DROSHA: variants seen among roughly 807,000 people sequenced by gnomAD.
DROSHA encodes the protein ribonuclease 3.
DROSHA carries 56 observed loss-of-function variants against 181.9 expected under a neutral mutation model. The observed-to-expected ratio is 0.31, with a 90% CI of 0.25 to 0.38. The LOEUF is 0.38. Among genes scored for constraint, DROSHA ranks in the 10% least tolerant of loss-of-function variants. The pLI is 1.00. For missense variants in DROSHA, 1,218 were observed against 1,743.5 expected, an observed-to-expected ratio of 0.70 and a Z score of 5.37; for synonymous variants, 524 against 591.2, an observed-to-expected ratio of 0.89 and a Z score of 1.65.
intron 17 of DROSHA, among the ~76,000 whole-genome samples, chr5:31,469,465 A>G (rs1749493111): frequency 6.6e-6 from 1 of 152,256 alleles, no homozygotes; most frequent in South Asian, 2.1e-4. Context: ...TCAAAATTTG[A>G]AAATGGAAAA....
Position 31,421,450 on chromosome 5 carries a change from A to T in DROSHA, c.3420-73T>A, listed in dbSNP as rs1432383462. On this transcript the variant is annotated intron_variant, in intron 29 of 35. Coordinates refer to ENST00000344624, the MANE Select transcript of DROSHA (RefSeq NM_001382508.1). Reference sequence around the variant, plus strand: ...TTTCCAAAAAAACACCCAGAATTTTAAAAAAGGAATGACTTAAAAAGACAA... The same window carrying T: ...TTTCCAAAAAAACACCCAGAATTTTTAAAAAGGAATGACTTAAAAAGACAA... 3.3e-6 allele frequency: 4 copies of T among 1,230,090 alleles called. No homozygotes were observed. The East Asian group carries it at 7.0e-5, about 21-fold the overall frequency. The allele number at this position is 1,230,090 out of a possible 1,614,324, so 76.2% of individuals were successfully genotyped here. A position where few individuals can be genotyped will look rare whatever the true frequency, so the allele number is the denominator to read the frequency against.
In DROSHA at chr5:31,503,477, C is replaced by T. The variant is rs1423870832; in HGVS notation, c.1668+1078G>A. On this transcript the variant is annotated intron_variant, in intron 11 of 35. Coordinates refer to ENST00000344624, the MANE Select transcript of DROSHA (RefSeq NM_001382508.1). ...GTCCAAATGTGCACTGTGTAGTCAG[C>T]ACACAGCCTGTAGCTATTGGCTCCT... Among the ~76,000 whole-genome samples the T allele has an allele frequency of 6.6e-5, 10 of 152,076 alleles. No individual in the cohort carries two copies. The East Asian group carries it at 1.7e-3, about 26-fold the overall frequency.
At chr5:31,445,497 G>A (rs550268780) in intron 23 of DROSHA, among the ~76,000 whole-genome samples, 15 of 152,056 alleles carry the variant, frequency 9.9e-5, no homozygotes, top group East Asian at 1.9e-4. Context: ...AAAACATCAC[G>A]GGAAAAGAAA....
chr5:31,407,224 T>G (rs1222485581), intron 33 of DROSHA, among the ~76,000 whole-genome samples: 1 of 152,214 alleles, frequency 6.6e-6, no homozygotes, highest in Non-Finnish European at 1.5e-5. Context: ...AACAGTGAAG[T>G]GTAAAATATT....
At chr5:31,443,677 G>T (rs1037549579) in intron 23 of DROSHA, among the ~76,000 whole-genome samples, 9 of 152,124 alleles carry the variant, frequency 5.9e-5, no homozygotes, top group Non-Finnish European at 1.0e-4. Flanking sequence ...AGGCTATCAA[G>T]AATTATTTAT....
At chr5:31,518,877 C>T (rs1239127455) in intron 6 of DROSHA, among the ~76,000 whole-genome samples, 1 of 152,212 alleles carries the variant, frequency 6.6e-6, no homozygotes, top group African/African-American at 2.4e-5. Flanking sequence ...CCTCACCCAT[C>T]CTTTTAAGCA....
chr5:31,407,937 A>G (rs569999330), intron 33 of DROSHA, among the ~76,000 whole-genome samples: 7 of 152,306 alleles, frequency 4.6e-5, no homozygotes, highest in African/African-American at 1.7e-4. Context: ...CTTATTAGGC[A>G]CATAATAAAG....
intron 8 of DROSHA, among the ~76,000 whole-genome samples, chr5:31,512,230 T>C (rs2150055080): frequency 6.6e-6 from 1 of 152,288 alleles, no homozygotes; most frequent in East Asian, 1.9e-4. Flanking sequence ...TTGTTGGGAG[T>C]GGCGATGCCG....
Position 31,409,515 on chromosome 5 carries a change from ATG to A in DROSHA, c.3668-185_3668-184del, listed in dbSNP as rs1741043061. 3 of 589,152 alleles carry A rather than the reference ATG, an allele frequency of 5.1e-6. No homozygotes were observed. The highest frequency in any genetic ancestry group is 6.1e-5 in the Admixed American group (2 of 32,938). 36.5% of individuals were successfully genotyped at this position (589,152 alleles called of 1,614,324 possible). A position where few individuals can be genotyped will look rare whatever the true frequency, so the allele number is the denominator to read the frequency against. ...TCATTAATATCAGAAGCAGCAAGAG[ATG>A]TGTAAGATGCAAATCATAGAGTACA... On this transcript the variant is annotated intron_variant, in intron 31 of 35. Coordinates refer to ENST00000344624, the MANE Select transcript of DROSHA (RefSeq NM_001382508.1). This position sits in a 1 kb window ranked among gnomAD's most constrained non-coding sequence, Gnocchi z 4.0.
chr5:31,455,014 C>T lies in DROSHA; in HGVS notation c.2575-3374G>A, dbSNP rs13436094. On this transcript the variant is annotated intron_variant, in intron 20 of 35. Transcript: ENST00000344624. ...GAAATAAGAAAAGAAATTACTAAAACAATAGAAGGATTAACAAAAATTACA... is the reference window on the plus strand; with the variant it reads ...GAAATAAGAAAAGAAATTACTAAAATAATAGAAGGATTAACAAAAATTACA... Among the ~76,000 whole-genome samples the T allele has an allele frequency of 8.5e-3, 1,220 of 144,300 alleles. 14 individuals carry two copies. Among genetic ancestry groups the T allele is most frequent in the African/African-American group, 0.028 (1,097 of 39,204 alleles). The allele number at this position is 144,300 out of a possible 152,430, so 94.7% of individuals were successfully genotyped here.
At chr5:31,466,975 C>T (rs555169408) in intron 18 of DROSHA, among the ~76,000 whole-genome samples, 2 of 152,268 alleles carry the variant, frequency 1.3e-5, no homozygotes, top group African/African-American at 2.4e-5. Context: ...TGAGAGTCCA[C>T]GAGAGCCTCA....
chr5:31,498,782 G>A (rs149077783), intron 11 of DROSHA, among the ~76,000 whole-genome samples: 1,868 of 152,200 alleles, frequency 0.012, 19 homozygotes, highest in Middle Eastern at 0.024. Flanking sequence ...ACTTGAACCC[G>A]GGAGGTGGAG....
At chr5:31,406,041 C>T (rs182708167) in intron 34 of DROSHA, among the ~76,000 whole-genome samples, 1 of 151,962 alleles carries the variant, frequency 6.6e-6, no homozygotes, top group East Asian at 1.9e-4. Flanking sequence ...TGAATACCCT[C>T]ACTGTAAAGT....
chr5:31,421,673 G>A (rs1742673619), intron 29 of DROSHA: 1 of 270,388 alleles, frequency 3.7e-6, no homozygotes, highest in African/African-American at 2.2e-5. Flanking sequence ...GAAAAATCAA[G>A]CATAATACAA....
intron 17 of DROSHA, among the ~76,000 whole-genome samples, chr5:31,469,301 G>A (rs1172029376): frequency 2.0e-5 from 3 of 152,032 alleles, no homozygotes; most frequent in East Asian, 3.9e-4. Flanking sequence ...AGGTTGTAGT[G>A]AGCTGAGATC....
chr5:31,416,984 C>T (rs1742022112), intron 30 of DROSHA, among the ~76,000 whole-genome samples: 1 of 152,168 alleles, frequency 6.6e-6, no homozygotes, highest in African/African-American at 2.4e-5. Flanking sequence ...GGAGTTTACA[C>T]TCTGATTGGA....
Position 31,411,241 on chromosome 5 carries a change from A to C in DROSHA, c.3526-354T>G, listed in dbSNP as rs1004328688. On this transcript the variant is annotated intron_variant, in intron 30 of 35. Transcript: ENST00000344624. This position sits in a 1 kb window ranked among gnomAD's most constrained non-coding sequence, Gnocchi z 4.2. ...AATGCTACAAAATAAGGAAGCATTAAGAGTGTTAAAATCAATTTTATTAAA... is the reference window on the plus strand; with the variant it reads ...AATGCTACAAAATAAGGAAGCATTACGAGTGTTAAAATCAATTTTATTAAA... Among the ~76,000 whole-genome samples the C allele has an allele frequency of 6.6e-6, 1 of 152,232 alleles. No individual in the cohort carries two copies. The highest frequency in any genetic ancestry group is 1.9e-4 in the East Asian group (1 of 5,206).
chr5:31,472,008 C>T (rs1749783803), intron 17 of DROSHA, 55 bp downstream of exon 17: 1 of 1,468,076 alleles, frequency 6.8e-7, no homozygotes. Flanking sequence ...ATGAAACATT[C>T]AGATCTGGAA....
chr5:31,519,578 G>A (rs989323732), intron 6 of DROSHA, among the ~76,000 whole-genome samples: 1 of 152,132 alleles, frequency 6.6e-6, no homozygotes, highest in African/African-American at 2.4e-5. Flanking sequence ...CAGTAACAAC[G>A]ATAAGCAATG....
Sources: allele counts gnomAD v4.1 joint callset (sites outside exome capture counted in the v4.1 genomes callset), GRCh38; gene constraint gnomAD v4.1.1; non-coding constraint Gnocchi (gnomAD v3.1); transcripts MANE v1.5; gene names NCBI Gene and HGNC (gene_info 2026-07-23, HGNC 2026-07-21).